The following CDC20B variants were observed in gnomAD, a reference collection of about 807,000 sequenced individuals.
CDC20B encodes the protein cell division cycle 20B.
In CDC20B, 58 loss-of-function variants were observed where a neutral mutation model predicts 64.1. The observed-to-expected ratio is 0.90, with a 90% CI of 0.73 to 1.13. CDC20B has a LOEUF of 1.13. Among genes scored for constraint, CDC20B ranks in the 50% most tolerant of loss-of-function variants. The pLI, the probability that CDC20B is intolerant of heterozygous loss-of-function variation, is 0.00. For synonymous variants in CDC20B, 243 were observed against 230.6 expected, an observed-to-expected ratio of 1.05 and a Z score of -0.49; for missense variants, 597 against 633.0, an observed-to-expected ratio of 0.94 and a Z score of 0.61.
At chr5:55,171,983 AG>A (rs1406705227) in intron 2 of CDC20B, among the ~76,000 whole-genome samples, 1 of 152,234 alleles carries the variant, frequency 6.6e-6, no homozygotes, top group African/African-American at 2.4e-5. Flanking sequence ...TACAGGTCAA[AG>A]GAAGATGAAC....
chr5:55,148,916 T>A (rs1196179689), intron 2 of CDC20B, among the ~76,000 whole-genome samples: 1 of 152,246 alleles, frequency 6.6e-6, no homozygotes, highest in Admixed American at 6.5e-5. Flanking sequence ...TGTCCAAGAC[T>A]ACACAGTAAG....
chr5:55,167,686 C>T (rs1479075933), intron 2 of CDC20B, among the ~76,000 whole-genome samples: 2 of 151,978 alleles, frequency 1.3e-5, no homozygotes, highest in African/African-American at 2.4e-5. Flanking sequence ...CATGGCAAAA[C>T]CCTGTCTCCA....
rs2111781152 is a variant in CDC20B, at chr5:55,114,441, A to G, written c.1460-123T>C. ...CAGGATAAAGGGCTTTCCCACACCC[A>G]CCAGGTTCAGAGCTGCCACCAACTG... is the stretch of plus-strand genomic sequence containing the variant. On this transcript the variant is annotated intron_variant, in intron 11 of 11. Transcript: ENST00000381375. This position sits in a 1 kb window ranked among gnomAD's most constrained non-coding sequence, Gnocchi z 4.1. 1 of 1,462,530 alleles carries G rather than the reference A, an allele frequency of 6.8e-7. No individual in the cohort carries two copies. The highest frequency in any genetic ancestry group is 2.4e-5 in the East Asian group (1 of 41,224). 90.6% of individuals were successfully genotyped at this position (1,462,530 alleles called of 1,614,324 possible).
At position 55,114,321 on chromosome 5, in the gene CDC20B, G is replaced by GTTACAT; in HGVS notation, c.1460-4_1460-3insATGTAA. 6.2e-7 allele frequency: 1 copy of GTTACAT among 1,611,844 alleles called. No homozygotes were observed. Among genetic ancestry groups the GTTACAT allele is most frequent in the South Asian group, 1.1e-5 (1 of 90,924 alleles). On this transcript the variant is annotated splice_region_variant and splice_polypyrimidine_tract_variant and intron_variant, in intron 11 of 11. Coordinates refer to ENST00000381375, the MANE Select transcript of CDC20B (RefSeq NM_001170402.1). This position sits in a 1 kb window ranked among gnomAD's most constrained non-coding sequence, Gnocchi z 4.1. ...GTGCAGCACTCTGCCCCTGTGGCCT[G>GTTACAT]GGGGAAGAAGGAAAGACAGTTCATA...
intron 2 of CDC20B, among the ~76,000 whole-genome samples, chr5:55,156,004 C>T (rs1479496305): frequency 6.6e-6 from 1 of 152,182 alleles, no homozygotes; most frequent in Admixed American, 6.5e-5. Context: ...AAAGACATAC[C>T]TGAGGCTGGG....
chr5:55,139,056 G>C (rs147958782), intron 5 of CDC20B, among the ~76,000 whole-genome samples: 71 of 147,272 alleles, frequency 4.8e-4, no homozygotes, highest in African/African-American at 1.7e-3. Flanking sequence ...TTTACAATGA[G>C]TTTTTTTTTT....
chr5:55,153,320 GAGATAAATGAAACAACAAA>G (rs1220820718), intron 2 of CDC20B, among the ~76,000 whole-genome samples: 6 of 149,730 alleles, frequency 4.0e-5, no homozygotes, highest in Non-Finnish European at 7.4e-5. Flanking sequence ...ATTAGAGAAT[GAGATAAATGAAACAACAAA>G]AGTGTATCTG....
At chr5:55,136,799 A>G (rs929078666) in intron 5 of CDC20B, 1 of 152,080 alleles carries the variant, frequency 6.6e-6, no homozygotes, top group African/African-American at 2.4e-5. Flanking sequence ...CCAAACAATT[A>G]TTTTCCAGCC....
intron 2 of CDC20B, among the ~76,000 whole-genome samples, chr5:55,162,453 T>C (rs1390993151): frequency 6.6e-6 from 1 of 152,228 alleles, no homozygotes; most frequent in African/African-American, 2.4e-5. Context: ...TCTGATGACA[T>C]CTTCAGTCCT....
At chr5:55,124,764 T>C (rs755522152) in intron 9 of CDC20B, 39 bp downstream of exon 9, 46 of 1,554,064 alleles carry the variant, frequency 3.0e-5, no homozygotes, top group Non-Finnish European at 4.4e-6. Flanking sequence ...CAGTGGCCTC[T>C]GAGTAACAGG....
intron 2 of CDC20B, among the ~76,000 whole-genome samples, chr5:55,170,330 G>A (rs1744556928): frequency 6.6e-6 from 1 of 152,046 alleles, no homozygotes; most frequent in African/African-American, 2.4e-5. Flanking sequence ...TGGAAAAGCA[G>A]GCATAAGTAA....
intron 2 of CDC20B, among the ~76,000 whole-genome samples, chr5:55,168,375 A>T (rs1460692732): frequency 6.6e-6 from 1 of 152,018 alleles, no homozygotes; most frequent in Non-Finnish European, 1.5e-5. Flanking sequence ...CTTTGCCATC[A>T]GCAGAACCTC....
chr5:55,150,367 G>A (rs1743627915), intron 2 of CDC20B, among the ~76,000 whole-genome samples: 1 of 152,218 alleles, frequency 6.6e-6, no homozygotes, highest in African/African-American at 2.4e-5. Flanking sequence ...TGTTGAAGCA[G>A]TAAGCATTGG....
At chr5:55,164,019 A>T in intron 2 of CDC20B, 4 of 1,457,618 alleles carry the variant, frequency 2.7e-6, no homozygotes, top group Non-Finnish European at 3.7e-6. Flanking sequence ...CAAAGAATAA[A>T]ATTATGCTCA....
chr5:55,126,140 A>G (rs1742881477), intron 8 of CDC20B, among the ~76,000 whole-genome samples: 1 of 152,216 alleles, frequency 6.6e-6, no homozygotes, highest in Non-Finnish European at 1.5e-5. Context: ...AGTTGTTTTA[A>G]GACCGGCCAA....
At chr5:55,141,517 G>A (rs1401782437) in intron 4 of CDC20B, among the ~76,000 whole-genome samples, 2 of 152,190 alleles carry the variant, frequency 1.3e-5, no homozygotes, top group East Asian at 1.9e-4. Context: ...ACATGGCTAT[G>A]ATGACAAGTG....
chr5:55,171,746 G>A (rs1447643337), intron 2 of CDC20B, among the ~76,000 whole-genome samples: 1 of 152,098 alleles, frequency 6.6e-6, no homozygotes, highest in Non-Finnish European at 1.5e-5. Context: ...GGGACTACAG[G>A]CACATGTCAT....
intron 2 of CDC20B, among the ~76,000 whole-genome samples, chr5:55,156,988 A>G (rs1051505434): frequency 6.6e-6 from 1 of 152,208 alleles, no homozygotes; most frequent in Non-Finnish European, 1.5e-5. Context: ...TTGCTTTTAC[A>G]GTTGCATGAG....
In CDC20B at chr5:55,146,675, G is replaced by A. The variant is rs1669310858; in HGVS notation, c.308C>T (p.Ser103Phe). 1 of 1,614,148 alleles carries A rather than the reference G, an allele frequency of 6.2e-7. No individual in the cohort carries two copies. Among genetic ancestry groups the A allele is most frequent in the East Asian group, 2.2e-5 (1 of 44,890 alleles). ...AGGCGGTGTCTTCAGCACTGATCCG[G>A]AAGCTTCTGGGAGGTAGGTGGTTGA... ...EQSTTYLPEA[S>F]GSVLKTPPEK... The change falls in exon 3 of 12, where the codon TCC (serine) becomes TTC (phenylalanine). Residue 103 changes from serine (S) to phenylalanine (F), a missense_variant. Coordinates refer to ENST00000381375, the MANE Select transcript of CDC20B (RefSeq NM_001170402.1).
Sources: allele counts gnomAD v4.1 joint callset (sites outside exome capture counted in the v4.1 genomes callset), GRCh38; gene constraint gnomAD v4.1.1; non-coding constraint Gnocchi (gnomAD v3.1); transcripts MANE v1.5; gene names NCBI Gene and HGNC (gene_info 2026-07-23, HGNC 2026-07-21).